The following PAPSS1 variants were observed in gnomAD, a reference collection of about 807,000 sequenced individuals.
The protein encoded by PAPSS1 is bifunctional 3'-phosphoadenosine 5'-phosphosulfate synthase 1.
A neutral mutation model predicts 72.0 loss-of-function variants in PAPSS1; 50 were observed. That is an observed-to-expected ratio of 0.69 (90% CI 0.55 to 0.88). PAPSS1 has a LOEUF of 0.88. Ranked by LOEUF, PAPSS1 falls within the 40% of genes least tolerant of loss-of-function variation. The pLI, the probability that PAPSS1 is intolerant of heterozygous loss-of-function variation, is 0.00. For missense variants in PAPSS1, 657 were observed against 782.2 expected (o/e 0.84, Z 1.91); for synonymous variants, 261 against 263.6 (o/e 0.99, Z 0.09).
intron 4 of PAPSS1, among the ~76,000 whole-genome samples, chr4:107,683,212 G>C (rs1349814376): frequency 6.6e-6 from 1 of 151,784 alleles, no homozygotes; most frequent in South Asian, 2.1e-4. Context: ...TAGCAAAAGA[G>C]TTCAAAAATA....
chr4:107,643,268 T>C (rs1726602342), intron 10 of PAPSS1, among the ~76,000 whole-genome samples: 1 of 152,228 alleles, frequency 6.6e-6, no homozygotes, highest in African/African-American at 2.4e-5. Flanking sequence ...GAGCGGGCTC[T>C]CCAGCAGCTG....
At chr4:107,712,238 T>C (rs1165843943) in intron 1 of PAPSS1, among the ~76,000 whole-genome samples, 3 of 152,232 alleles carry the variant, frequency 2.0e-5, no homozygotes, top group Non-Finnish European at 4.4e-5. Flanking sequence ...CCTGGGACTA[T>C]CTGTTCATTC....
chr4:107,698,586 G>T (rs1477159201), intron 2 of PAPSS1, among the ~76,000 whole-genome samples: 1 of 152,176 alleles, frequency 6.6e-6, no homozygotes, highest in Non-Finnish European at 1.5e-5. Context: ...AATGAAGGGA[G>T]TAACTATTGA....
At chr4:107,622,431 T>C (rs1725989254) in intron 11 of PAPSS1, among the ~76,000 whole-genome samples, 2 of 152,236 alleles carry the variant, frequency 1.3e-5, no homozygotes, top group South Asian at 2.1e-4. Context: ...GTCTTATCTA[T>C]CATTCCTAGT....
At chr4:107,621,606 ATCTTT>A (rs1725955613) in intron 11 of PAPSS1, among the ~76,000 whole-genome samples, 2 of 50,508 alleles carry the variant, frequency 4.0e-5, no homozygotes, top group Admixed American at 3.9e-4. Context: ...CAGGTTTTTT[ATCTTT>A]TTTTTTTTTT....
At chr4:107,709,257 T>TA (rs1275817125) in intron 1 of PAPSS1, among the ~76,000 whole-genome samples, 4 of 152,218 alleles carry the variant, frequency 2.6e-5, no homozygotes, top group Admixed American at 2.6e-4. Context: ...AGCACTTTTA[T>TA]AAAACTACTG....
chr4:107,697,933 C>G, intron 2 of PAPSS1, among the ~76,000 whole-genome samples: 1 of 152,174 alleles, frequency 6.6e-6, no homozygotes, highest in Non-Finnish European at 1.5e-5. Flanking sequence ...GTGATCCGTC[C>G]ACACACCAAG....
intron 5 of PAPSS1, among the ~76,000 whole-genome samples, chr4:107,674,015 C>G (rs201024212): frequency 6.6e-6 from 1 of 151,962 alleles, no homozygotes; most frequent in East Asian, 1.9e-4. Flanking sequence ...TTTGTCACCA[C>G]CAGGCCTGCC....
In PAPSS1 at chr4:107,614,277, T is replaced by C. The variant is rs1198498611; in HGVS notation, c.1847A>G (p.Glu616Gly). The C allele has an allele frequency of 1.2e-6, 2 of 1,613,786 alleles. No homozygotes were observed. Among genetic ancestry groups the C allele is most frequent in the African/African-American group, 2.7e-5 (2 of 74,934 alleles). The change falls in exon 12 of 12, where the codon GAA becomes GGA. Residue 616 changes from glutamate (E) to glycine (G), a missense_variant. Physicochemically the swap from Glu to Gly is moderately conservative, Grantham distance 98. Coordinates refer to ENST00000265174, the MANE Select transcript of PAPSS1 (RefSeq NM_005443.5). ...AGCTTTCTCCAAGGATTTGTAGTAT[T>C]CTGTCAGCACGGTCCAAGCCTTGGG... ...MAPKAWTVLT[E>G]YYKSLEKA is the part of the protein sequence containing the mutation.
chr4:107,719,120 CATG>C (rs1189814234), intron 1 of PAPSS1, among the ~76,000 whole-genome samples: 1 of 151,082 alleles, frequency 6.6e-6, no homozygotes, highest in Non-Finnish European at 1.5e-5. Context: ...GTAAACAACT[CATG>C]ATAACAATAA....
intron 1 of PAPSS1, among the ~76,000 whole-genome samples, chr4:107,714,085 A>G (rs1418006647): frequency 1.3e-5 from 2 of 152,074 alleles, no homozygotes; most frequent in Non-Finnish European, 2.9e-5. Context: ...CAAGAGTCCA[A>G]TTTTAGCAGA....
At chr4:107,672,056 T>C (rs1180129915) in intron 5 of PAPSS1, among the ~76,000 whole-genome samples, 1 of 152,214 alleles carries the variant, frequency 6.6e-6, no homozygotes, top group Non-Finnish European at 1.5e-5. Flanking sequence ...ACTAGAACTA[T>C]AGTTCCAATA....
chr4:107,662,169 G>A (rs1333735523), intron 5 of PAPSS1, among the ~76,000 whole-genome samples: 1 of 152,234 alleles, frequency 6.6e-6, no homozygotes, highest in Non-Finnish European at 1.5e-5. Flanking sequence ...AGCAAATTCA[G>A]CCAGCTGCGC....
intron 5 of PAPSS1, among the ~76,000 whole-genome samples, chr4:107,678,880 T>TC (rs1240319743): frequency 6.6e-6 from 1 of 152,034 alleles, no homozygotes; most frequent in Admixed American, 6.6e-5. Context: ...CCTCAAACCT[T>TC]CCCAGGGTCC....
chr4:107,649,783 C>T (rs1726789292), intron 9 of PAPSS1, among the ~76,000 whole-genome samples: 1 of 152,246 alleles, frequency 6.6e-6, no homozygotes, highest in Non-Finnish European at 1.5e-5. Context: ...TACTACCACA[C>T]ACTATTCTGA....
At chr4:107,662,240 C>CA in intron 5 of PAPSS1, among the ~76,000 whole-genome samples, 1 of 152,160 alleles carries the variant, frequency 6.6e-6, no homozygotes, top group South Asian at 2.1e-4. Flanking sequence ...TCTAGGGTCT[C>CA]ACTGTTCATA....
intron 5 of PAPSS1, among the ~76,000 whole-genome samples, chr4:107,681,282 T>C (rs1426083980): frequency 6.6e-6 from 1 of 152,098 alleles, no homozygotes. Context: ...GGGGAATGCA[T>C]GACAAGGTGA....
rs186562262 is a variant in PAPSS1, at chr4:107,684,087, A to G, written c.551-1954T>C. Among the ~76,000 whole-genome samples the G allele has an allele frequency of 7.6e-4, 116 of 152,356 alleles. 1 individual carries two copies. The highest frequency in any genetic ancestry group is 2.6e-3 in the African/African-American group (109 of 41,588). On this transcript the variant is annotated intron_variant, in intron 4 of 11. Coordinates refer to ENST00000265174, the MANE Select transcript of PAPSS1 (RefSeq NM_005443.5). Reference sequence around the variant, plus strand: ...AAAGTAAACAAGAAACTGGACTAATACAAACACACTCCCAGTTATAGAGTA... The same window carrying G: ...AAAGTAAACAAGAAACTGGACTAATGCAAACACACTCCCAGTTATAGAGTA...
At chr4:107,683,324 G>A (rs1239615652) in intron 4 of PAPSS1, among the ~76,000 whole-genome samples, 7 of 150,818 alleles carry the variant, frequency 4.6e-5, no homozygotes, top group African/African-American at 2.4e-5. Flanking sequence ...CTGCGTTACC[G>A]GTATTCCCAT....
Sources: gnomAD v4.1 joint callset for allele counts (sites outside exome capture counted in the v4.1 genomes callset) on GRCh38, gnomAD v4.1.1 for gene constraint, MANE v1.5 for transcripts, NCBI Gene and HGNC (gene_info 2026-07-23, HGNC 2026-07-21) for gene names.